MYO3A: variants seen among roughly 807,000 people sequenced by gnomAD.
The protein encoded by MYO3A is myosin-IIIa.
In MYO3A, 180 loss-of-function variants were observed where a neutral mutation model predicts 192.7. The observed-to-expected ratio is 0.93, with a 90% CI of 0.83 to 1.06. The LOEUF is 1.06. Among genes scored for constraint, MYO3A ranks in the 50% least tolerant of loss-of-function variants. MYO3A has a pLI of 0.00. For synonymous variants in MYO3A, 628 were observed against 645.3 expected, an observed-to-expected ratio of 0.97 and a Z score of 0.41; for missense variants, 1,896 against 1,905.0, an observed-to-expected ratio of 1.00 and a Z score of 0.09.
At chr10:26,084,982 C>T (rs868833693) in intron 14 of MYO3A, among the ~76,000 whole-genome samples, 13 of 152,238 alleles carry the variant, frequency 8.5e-5, no homozygotes, top group African/African-American at 3.1e-4. Flanking sequence ...TTCTTTCTGA[C>T]TCAATTTTGG....
chr10:25,946,495 T>C (rs1836837654), intron 2 of MYO3A, among the ~76,000 whole-genome samples: 1 of 151,900 alleles, frequency 6.6e-6, no homozygotes, highest in Admixed American at 6.6e-5. Context: ...ATAAATTGCT[T>C]TTCTCTTGCT....
chr10:26,105,738 A>G (rs138786160), intron 17 of MYO3A, among the ~76,000 whole-genome samples: 1 of 152,180 alleles, frequency 6.6e-6, no homozygotes, highest in East Asian at 1.9e-4. Flanking sequence ...TGTTCATAGT[A>G]TCTAGGTCTC....
intron 4 of MYO3A, among the ~76,000 whole-genome samples, chr10:25,993,057 T>G (rs1840159231): frequency 2.6e-5 from 4 of 152,230 alleles, no homozygotes; most frequent in African/African-American, 7.2e-5. Context: ...CTTTTTCTAT[T>G]GATTGGAATA....
chr10:26,091,243 T>G (rs1352650263), intron 15 of MYO3A, among the ~76,000 whole-genome samples: 2 of 152,172 alleles, frequency 1.3e-5, no homozygotes, highest in East Asian at 1.9e-4. Flanking sequence ...ATTTTGTTCT[T>G]TTCTTCGGTT....
chr10:26,206,767 G>A (rs577993774), intron 34 of MYO3A, among the ~76,000 whole-genome samples: 6 of 152,284 alleles, frequency 3.9e-5, no homozygotes, highest in African/African-American at 1.4e-4. Context: ...ATTTTTTAAG[G>A]AACTGCCATA....
intron 6 of MYO3A, among the ~76,000 whole-genome samples, chr10:26,008,269 C>G (rs895919135): frequency 1.1e-4 from 17 of 147,996 alleles, no homozygotes; most frequent in Admixed American, 2.0e-4. Context: ...AGACCTAAAA[C>G]CATAAAAACC....
chr10:26,183,305 A>G (rs1240362895), intron 31 of MYO3A, among the ~76,000 whole-genome samples: 1 of 152,202 alleles, frequency 6.6e-6, no homozygotes, highest in Non-Finnish European at 1.5e-5. Context: ...CCGGCGGATC[A>G]CGAGGTCAGG....
chr10:26,018,885 T>C (rs1243362012), intron 7 of MYO3A, among the ~76,000 whole-genome samples: 1 of 152,136 alleles, frequency 6.6e-6, no homozygotes, highest in Non-Finnish European at 1.5e-5. Context: ...AAAAAAATGA[T>C]GGGGCAAAAG....
chr10:26,192,946 C>T (rs1386416973), intron 31 of MYO3A, among the ~76,000 whole-genome samples: 2 of 152,130 alleles, frequency 1.3e-5, no homozygotes, highest in Admixed American at 6.6e-5. Flanking sequence ...TGAACCACTG[C>T]ACCCGGCTGC....
At chr10:26,029,149 A>G (rs1005504719) in intron 10 of MYO3A, among the ~76,000 whole-genome samples, 3 of 152,178 alleles carry the variant, frequency 2.0e-5, no homozygotes, top group Non-Finnish European at 2.9e-5. Context: ...TGCACTACAC[A>G]GTATTTAGAT....
intron 26 of MYO3A, among the ~76,000 whole-genome samples, chr10:26,163,025 A>G (rs970673895): frequency 6.6e-6 from 1 of 152,284 alleles, no homozygotes; most frequent in South Asian, 2.1e-4. Flanking sequence ...GCATAGAAGC[A>G]TGAGCAAACA....
Position 26,024,900 on chromosome 10 carries a change from C to T in MYO3A, c.797+813C>T, listed in dbSNP as rs1842470874. Among the ~76,000 whole-genome samples, 2 of 152,118 alleles carry T rather than the reference C, an allele frequency of 1.3e-5. 1 individual carries two copies. Among genetic ancestry groups the T allele is most frequent in the South Asian group, 4.1e-4 (2 of 4,830 alleles). On this transcript the variant is annotated intron_variant, in intron 9 of 34. Coordinates refer to ENST00000642920, the MANE Select transcript of MYO3A (RefSeq NM_017433.5). ...ACATTGCCAGTTGTATTTAGCTTAC[C>T]TGTTTTGACATCTTTCTCTATAACT...
intron 26 of MYO3A, among the ~76,000 whole-genome samples, chr10:26,160,526 T>A (rs1286457550): frequency 6.6e-6 from 1 of 152,082 alleles, no homozygotes; most frequent in Admixed American, 6.5e-5. Flanking sequence ...ATGCCTGTAG[T>A]CTTAGCTACT....
intron 14 of MYO3A, among the ~76,000 whole-genome samples, chr10:26,072,701 T>TA (rs59197337): frequency 0.25 from 36,805 of 149,678 alleles, 5,741 homozygotes; most frequent in African/African-American, 0.44. Context: ...TCTATGTTTA[T>TA]AAAAAAAAAA....
intron 4 of MYO3A, among the ~76,000 whole-genome samples, chr10:25,955,737 G>C (rs1375793433): frequency 6.6e-6 from 1 of 152,044 alleles, no homozygotes; most frequent in Non-Finnish European, 1.5e-5. Flanking sequence ...TTTTTAAATT[G>C]CTTTTATCAA....
intron 10 of MYO3A, among the ~76,000 whole-genome samples, chr10:26,031,414 A>G (rs1274672110): frequency 6.6e-6 from 1 of 152,194 alleles, no homozygotes; most frequent in Non-Finnish European, 1.5e-5. Flanking sequence ...ACTGACTTTG[A>G]GCTTTATGTT....
At chr10:25,938,902 AG>A (rs766468539) in intron 2 of MYO3A, among the ~76,000 whole-genome samples, 24 of 152,198 alleles carry the variant, frequency 1.6e-4, no homozygotes, top group Non-Finnish European at 2.9e-4. Context: ...GTTATTACTA[AG>A]GTGGGTTTCT....
At chr10:26,182,040 T>C (rs16926634) in intron 31 of MYO3A, among the ~76,000 whole-genome samples, 2,361 of 152,318 alleles carry the variant, frequency 0.016, 65 homozygotes, top group African/African-American at 0.054. Flanking sequence ...AGAATTGGAA[T>C]TGTAATACTG....
chr10:26,129,817 T>C (rs184478049), intron 20 of MYO3A, among the ~76,000 whole-genome samples: 7 of 152,364 alleles, frequency 4.6e-5, no homozygotes, highest in Middle Eastern at 6.8e-3. Flanking sequence ...CAATAAGTAA[T>C]GTTGCCTTGC....
Sources: gnomAD v4.1 joint callset for allele counts (sites outside exome capture counted in the v4.1 genomes callset) on GRCh38, gnomAD v4.1.1 for gene constraint, MANE v1.5 for transcripts, NCBI Gene and HGNC (gene_info 2026-07-23, HGNC 2026-07-21) for gene names.